The following TRIO variants were observed in gnomAD, a reference collection of about 807,000 sequenced individuals.
TRIO encodes trio Rho guanine nucleotide exchange factor.
Under a neutral mutation model 351.9 loss-of-function variants are expected in TRIO, and 58 were observed. The ratio of observed to expected loss-of-function variants is 0.16; its 90% confidence interval spans 0.13 to 0.21. The LOEUF (loss-of-function observed/expected upper bound fraction) is 0.21, where lower values mean the gene tolerates loss of function less well. Ranked by LOEUF, TRIO falls within the 10% of genes least tolerant of loss-of-function variation. TRIO has a pLI of 1.00. For synonymous variants in TRIO, 1,758 were observed against 1,595.7 expected, an observed-to-expected ratio of 1.10 and a Z score of -2.42; for missense variants, 3,201 against 4,027.8, an observed-to-expected ratio of 0.79 and a Z score of 5.56.
At chr5:14,420,216 C>T in intron 34 of TRIO, 195 bp downstream of exon 34, 1 of 783,884 alleles carries the variant, frequency 1.3e-6, no homozygotes, top group Non-Finnish European at 2.0e-6. Flanking sequence ...ACCCACGACT[C>T]AGAAATAATG....
chr5:14,194,396 A>G (rs1790638521), intron 1 of TRIO, among the ~76,000 whole-genome samples: 1 of 152,300 alleles, frequency 6.6e-6, no homozygotes, highest in South Asian at 2.1e-4. Flanking sequence ...AAAAGGTTTT[A>G]TAATAATTGT....
chr5:14,208,747 A>T (rs528181787), intron 1 of TRIO, among the ~76,000 whole-genome samples: 1 of 152,326 alleles, frequency 6.6e-6, no homozygotes, highest in African/African-American at 2.4e-5. Context: ...AGTTCATCAG[A>T]CCTTGTTCAA....
rs752600355 is a variant in TRIO, at chr5:14,293,084, C to T, written c.1126C>T (p.His376Tyr). 2 of 1,614,204 alleles carry T rather than the reference C, an allele frequency of 1.2e-6. No individual in the cohort carries two copies. The highest frequency in any genetic ancestry group is 4.5e-5 in the East Asian group (2 of 44,878). The change falls in exon 6 of 57, where the codon CAT (histidine) becomes TAT (tyrosine). Residue 376 changes from histidine (H) to tyrosine (Y), a missense_variant. Around this residue, in one of 19 missense-constraint regions of TRIO, gnomAD observed 349 missense variants for 449.3 expected, o/e 0.78. Coordinates refer to ENST00000344204, the MANE Select transcript of TRIO (RefSeq NM_007118.4). The stretch of plus-strand genomic sequence containing the variant: ...CACAGAGATTGGGACCAGCCACCCT[C>T]ATGCCATGGAGCTTCAGACGCAGCA... ...SYTEIGTSHP[H>Y]AMELQTQHNH... is the part of the protein sequence containing the mutation.
intron 8 of TRIO, among the ~76,000 whole-genome samples, chr5:14,309,684 G>A (rs1389425201): frequency 6.6e-6 from 1 of 152,192 alleles, no homozygotes; most frequent in Non-Finnish European, 1.5e-5. Context: ...TGAAGAGCTG[G>A]GGGTCTGCTG....
At chr5:14,337,327 A>G (rs148842637) in intron 11 of TRIO, among the ~76,000 whole-genome samples, 352 of 152,374 alleles carry the variant, frequency 2.3e-3, no homozygotes, top group African/African-American at 8.0e-3. Context: ...ATAAAGTTAC[A>G]TGAAAGAAAC....
chr5:14,441,958 GTTAT>G (rs1752089409), intron 34 of TRIO, among the ~76,000 whole-genome samples: 1 of 152,192 alleles, frequency 6.6e-6, no homozygotes, highest in African/African-American at 2.4e-5. Context: ...TCCTGCAAAG[GTTAT>G]TTGAGAGGTC....
At chr5:14,215,442 A>G (rs1792157629) in intron 1 of TRIO, among the ~76,000 whole-genome samples, 1 of 152,234 alleles carries the variant, frequency 6.6e-6, no homozygotes, top group Admixed American at 6.5e-5. Context: ...ATTAGTGAAT[A>G]TGCTAGTGAT....
At position 14,405,908 on chromosome 5, in the gene TRIO, C is replaced by T. The variant is rs778923312; in HGVS notation, c.4777C>T (p.Arg1593Trp). Reference protein sequence around the residue: ...IKHIREVIQERTIHLKGALKE... With the variant: ...IKHIREVIQEWTIHLKGALKE... ...GCATATCCGCGAAGTCATCCAGGAG[C>T]GGACGATCCACCTGAAGGGAGCCCT... The change falls in exon 32 of 57, where the codon CGG (arginine) becomes TGG (tryptophan). Residue 1593 changes from arginine (R) to tryptophan (W), a missense_variant. Around this residue, in one of 19 missense-constraint regions of TRIO, gnomAD observed 136 missense variants for 229.5 expected, o/e 0.59. Coordinates refer to ENST00000344204, the MANE Select transcript of TRIO (RefSeq NM_007118.4). 18 of 1,613,638 alleles carry T rather than the reference C, an allele frequency of 1.1e-5. No individual in the cohort carries two copies. The Admixed American group carries it at 1.7e-4, about 15-fold the overall frequency.
intron 23 of TRIO, 107 bp downstream of exon 23, chr5:14,387,954 C>A: frequency 8.5e-7 from 1 of 1,172,104 alleles, no homozygotes; most frequent in Non-Finnish European, 1.2e-6. Context: ...GGCACCCAGG[C>A]TTTTTGTTGC....
At position 14,358,446 on chromosome 5, in the gene TRIO, G is replaced by C; in HGVS notation, c.2216+99G>C. ...TGTGAGTGGTCAGCTCTGCTTCTCT[G>C]TCCAGCTGAGTGCAGAGCTAGTAGT... is the stretch of plus-strand genomic sequence containing the variant. On this transcript the variant is annotated intron_variant, in intron 12 of 56. Coordinates refer to ENST00000344204, the MANE Select transcript of TRIO (RefSeq NM_007118.4). The C allele has an allele frequency of 2.1e-6, 3 of 1,408,094 alleles. No homozygotes were observed. The South Asian group carries it at 4.0e-5, about 19-fold the overall frequency. The allele number at this position is 1,408,094 out of a possible 1,614,324, so 87.2% of individuals were successfully genotyped here.
chr5:14,488,445 C>G (rs575705042), intron 48 of TRIO, 185 bp downstream of exon 48: 8 of 811,488 alleles, frequency 9.9e-6, no homozygotes, highest in African/African-American at 3.5e-5. Flanking sequence ...CTACTCCTTG[C>G]TTTGTTCGTG....
intron 28 of TRIO, among the ~76,000 whole-genome samples, chr5:14,396,245 G>A (rs900031463): frequency 2.0e-5 from 3 of 151,764 alleles, no homozygotes; most frequent in African/African-American, 7.3e-5. Context: ...GCATTTGACT[G>A]TAAGTAACTC....
At position 14,143,879 on chromosome 5, in the gene TRIO, T is replaced by G; in HGVS notation, c.154T>G (p.Ser52Ala). ...GGCCGACATCGCGGCCTTCTTCCGA[T>G]CCGGTGAGTGCAACTGCGGCCGGCC... is the stretch of plus-strand genomic sequence containing the variant. ...DLADIAAFFR[S>A]GFRKNDEMKA... is the part of the protein sequence containing the mutation. Residue 52 changes from serine to alanine, a missense_variant, in exon 1 of 57, where the codon TCC becomes GCC. By Grantham distance (99) the Ser-to-Ala change is moderately conservative. Coordinates refer to ENST00000344204, the MANE Select transcript of TRIO (RefSeq NM_007118.4). 2 of 1,075,316 alleles carry G rather than the reference T, an allele frequency of 1.9e-6. No homozygotes were observed. The highest frequency in any genetic ancestry group is 2.2e-6 in the Non-Finnish European group (2 of 889,030). 66.6% of individuals were successfully genotyped at this position (1,075,316 alleles called of 1,614,324 possible).
At chr5:14,379,910 C>T (rs1745916441) in intron 20 of TRIO, among the ~76,000 whole-genome samples, 1 of 152,210 alleles carries the variant, frequency 6.6e-6, no homozygotes, top group Non-Finnish European at 1.5e-5. Flanking sequence ...GACCGGCCTC[C>T]AGGGCTCTTG....
At chr5:14,250,827 C>G (rs1007566565) in intron 1 of TRIO, among the ~76,000 whole-genome samples, 1 of 152,078 alleles carries the variant, frequency 6.6e-6, no homozygotes, top group Non-Finnish European at 1.5e-5. Flanking sequence ...TGAATTGTGC[C>G]CAGATTTGCT....
intron 34 of TRIO, among the ~76,000 whole-genome samples, chr5:14,433,057 A>G (rs61018729): frequency 0.042 from 6,422 of 152,294 alleles, 445 homozygotes; most frequent in African/African-American, 0.15. Context: ...TGAGGTTACC[A>G]TATCACGTTG....
chr5:14,181,526 C>T lies in TRIO; in HGVS notation c.157+37644C>T, dbSNP rs538616393. Among the ~76,000 whole-genome samples the T allele has an allele frequency of 3.9e-5, 6 of 152,258 alleles. No homozygotes were observed. In the East Asian group the frequency reaches 7.7e-4, roughly 20 times the overall value. On this transcript the variant is annotated intron_variant, in intron 1 of 56. Transcript: ENST00000344204. Reference sequence around the variant, plus strand: ...GCCTTTGTGCCAGATTGCAGATGGTCGTGGGCAGGCCTGTGAGTGGATGTG... The same window carrying T: ...GCCTTTGTGCCAGATTGCAGATGGTTGTGGGCAGGCCTGTGAGTGGATGTG...
chr5:14,200,505 G>T (rs1342022833), intron 1 of TRIO, among the ~76,000 whole-genome samples: 1 of 152,212 alleles, frequency 6.6e-6, no homozygotes, highest in Non-Finnish European at 1.5e-5. Flanking sequence ...TGCTCCTAGG[G>T]TCTAATACAT....
intron 1 of TRIO, among the ~76,000 whole-genome samples, chr5:14,265,083 C>CTT (rs199891022): frequency 0.034 from 4,665 of 137,692 alleles, 119 homozygotes; most frequent in Middle Eastern, 0.066. Flanking sequence ...ATGTAGGATT[C>CTT]TTTTTTTTTT....
Sources: allele counts gnomAD v4.1 joint callset (sites outside exome capture counted in the v4.1 genomes callset), GRCh38; gene constraint gnomAD v4.1.1; regional missense constraint gnomAD v4.1.1; transcripts MANE v1.5; gene names NCBI Gene and HGNC (gene_info 2026-07-23, HGNC 2026-07-21).